Variants in SYT16 observed in about 807,000 individuals in gnomAD.
SYT16 encodes synaptotagmin 16, also known as synaptotagmin-16.
SYT16 carries 42 observed loss-of-function variants against 61.4 expected under a neutral mutation model. The ratio of observed to expected loss-of-function variants is 0.68; its 90% CI spans 0.53 to 0.89. The LOEUF is 0.89. Among genes scored for constraint, SYT16 ranks in the 40% least tolerant of loss-of-function variants. SYT16 has a pLI of 0.00. For synonymous variants in SYT16, 314 were observed against 302.3 expected (o/e 1.04, Z -0.40); for missense variants, 804 against 807.3 (o/e 1.00, Z 0.05).
intron 1 of SYT16, among the ~76,000 whole-genome samples, chr14:61,865,599 A>C (rs2047123605): frequency 6.6e-6 from 1 of 152,228 alleles, no homozygotes; most frequent in South Asian, 2.1e-4. Flanking sequence ...TAATACCGCA[A>C]AGATATATTT....
intron 3 of SYT16, among the ~76,000 whole-genome samples, chr14:62,060,317 C>T (rs1044489328): frequency 1.3e-5 from 2 of 151,906 alleles, no homozygotes; most frequent in Admixed American, 1.3e-4. Flanking sequence ...CATTTTGATG[C>T]TCTTTCTAAA....
At chr14:62,002,550 G>C (rs999659768) in intron 3 of SYT16, among the ~76,000 whole-genome samples, 2 of 152,164 alleles carry the variant, frequency 1.3e-5, no homozygotes, top group Admixed American at 1.3e-4. Context: ...GAGTGCTCTC[G>C]GTCTTAGGCA....
chr14:61,814,792 A>G (rs1422033390), intron 1 of SYT16, among the ~76,000 whole-genome samples: 1 of 152,194 alleles, frequency 6.6e-6, no homozygotes, highest in African/African-American at 2.4e-5. Context: ...GAGGCTTACT[A>G]TGTGTCCCTA....
At chr14:61,939,570 G>A (rs962550498) in intron 1 of SYT16, among the ~76,000 whole-genome samples, 9 of 152,250 alleles carry the variant, frequency 5.9e-5, no homozygotes, top group Non-Finnish European at 1.0e-4. Flanking sequence ...TTTCCTTCAC[G>A]TGTGTACATG....
intron 1 of SYT16, among the ~76,000 whole-genome samples, chr14:61,913,684 GATC>G (rs1185089591): frequency 1.4e-5 from 2 of 143,834 alleles, no homozygotes; most frequent in Non-Finnish European, 3.0e-5. Flanking sequence ...AAGAAAATAA[GATC>G]ATCCTTCTTT....
At chr14:61,975,848 C>G (rs900772483) in intron 2 of SYT16, among the ~76,000 whole-genome samples, 4 of 152,150 alleles carry the variant, frequency 2.6e-5, no homozygotes, top group African/African-American at 9.7e-5. Context: ...GCATTTCAAA[C>G]CAATAATGCC....
intron 3 of SYT16, among the ~76,000 whole-genome samples, chr14:62,012,692 G>T (rs1407439699): frequency 1.3e-5 from 2 of 152,138 alleles, no homozygotes; most frequent in South Asian, 4.1e-4. Context: ...ATGCCTTCAT[G>T]TGAGTTATTT....
Position 61,857,355 on chromosome 14 carries a change from G to A in SYT16, c.-325+44545G>A, listed in dbSNP as rs372986940. Among the ~76,000 whole-genome samples the A allele has an allele frequency of 8.3e-4, 127 of 152,342 alleles. 4 individuals carry two copies. The South Asian group carries it at 0.025, about 30-fold the overall frequency. ...GCAGAGAGAGATGAGGTGGGTGCTT[G>A]TTAAGGAATGCTGTTAATGAGCACG... On this transcript the variant is annotated intron_variant, in intron 1 of 7. Coordinates refer to ENST00000683842, the MANE Select transcript of SYT16 (RefSeq NM_001367656.1).
intron 1 of SYT16, among the ~76,000 whole-genome samples, chr14:61,816,558 A>G (rs963221919): frequency 6.6e-6 from 1 of 152,218 alleles, no homozygotes; most frequent in African/African-American, 2.4e-5. Context: ...CATCATAGCA[A>G]TAATTAATTC....
At position 61,935,547 on chromosome 14, in the gene SYT16, C is replaced by G. The variant is rs145922798; in HGVS notation, c.-324-34585C>G. ...TGGTCATTCTCTAAGCCTGTGTGTC[C>G]TGATCTATACCAGTGAGGGTAAGAA... On this transcript the variant is annotated intron_variant, in intron 1 of 7. Transcript: ENST00000683842. 1.7e-3 allele frequency among the ~76,000 whole-genome samples: 253 copies of G among 152,252 alleles called. 1 individual carries two copies. Among genetic ancestry groups the G allele is most frequent in the Non-Finnish European group, 2.6e-3 (177 of 68,020 alleles).
At chr14:61,863,667 G>A (rs972033270) in intron 1 of SYT16, among the ~76,000 whole-genome samples, 6 of 152,102 alleles carry the variant, frequency 3.9e-5, no homozygotes, top group African/African-American at 7.2e-5. Context: ...CTTTGCTGCC[G>A]CATGTAAAAA....
chr14:61,930,070 G>A (rs2049703148), intron 1 of SYT16, among the ~76,000 whole-genome samples: 1 of 152,136 alleles, frequency 6.6e-6, no homozygotes. Flanking sequence ...GACCCATGTG[G>A]TGCTCACATC....
At chr14:62,010,357 A>G (rs1447265371) in intron 3 of SYT16, among the ~76,000 whole-genome samples, 4 of 152,208 alleles carry the variant, frequency 2.6e-5, no homozygotes, top group African/African-American at 4.8e-5. Flanking sequence ...GGGTGGTCCT[A>G]TATTTTATAG....
At chr14:62,047,182 T>G (rs2055031562) in intron 3 of SYT16, among the ~76,000 whole-genome samples, 1 of 152,186 alleles carries the variant, frequency 6.6e-6, no homozygotes, top group African/African-American at 2.4e-5. Flanking sequence ...CTTGAAGAGG[T>G]CCTTCACATC....
rs1013082379 is a variant in SYT16 at position 62,107,928 on chromosome 14, A to G, written c.*7221A>G. Reference sequence around the variant, plus strand: ...ATCCTGGAATGCTAGGTCTGTACAAACTTGACACATTTCTTACAAGCTCTG... The same window carrying G: ...ATCCTGGAATGCTAGGTCTGTACAAGCTTGACACATTTCTTACAAGCTCTG... On this transcript the variant is annotated 3_prime_UTR_variant, in exon 8 of 8. Coordinates refer to ENST00000683842, the MANE Select transcript of SYT16 (RefSeq NM_001367656.1). 42 of 152,184 alleles carry G rather than the reference A, an allele frequency of 2.8e-4. No individual in the cohort carries two copies. The highest frequency in any genetic ancestry group is 9.9e-4 in the African/African-American group (41 of 41,436). 9.4% of individuals were successfully genotyped at this position (152,184 alleles called of 1,614,324 possible). A position where few individuals can be genotyped will look rare whatever the true frequency, so the allele number is the denominator to read the frequency against.
chr14:62,090,536 G>A (rs2057037271), intron 7 of SYT16, among the ~76,000 whole-genome samples: 1 of 152,144 alleles, frequency 6.6e-6, no homozygotes, highest in Admixed American at 6.6e-5. Context: ...TCCTGGTCCA[G>A]TTTTTGTTAA....
chr14:62,018,925 C>T (rs1326870235), intron 3 of SYT16, among the ~76,000 whole-genome samples: 1 of 152,208 alleles, frequency 6.6e-6, no homozygotes, highest in African/African-American at 2.4e-5. Context: ...GGTGTTGCCC[C>T]TGCATCTGCG....
intron 1 of SYT16, among the ~76,000 whole-genome samples, chr14:61,952,972 A>G (rs967730120): frequency 6.6e-6 from 1 of 152,202 alleles, no homozygotes; most frequent in South Asian, 2.1e-4. Flanking sequence ...GAATATTATT[A>G]CGCTTATAAT....
At position 61,923,144 on chromosome 14, in the gene SYT16, T is replaced by C. The variant is rs370709667; in HGVS notation, c.-324-46988T>C. Among the ~76,000 whole-genome samples the C allele has an allele frequency of 3.6e-4, 55 of 152,210 alleles. 1 individual carries two copies. Among genetic ancestry groups the C allele is most frequent in the African/African-American group, 1.2e-3 (51 of 41,520 alleles). On this transcript the variant is annotated intron_variant, in intron 1 of 7. Coordinates refer to ENST00000683842, the MANE Select transcript of SYT16 (RefSeq NM_001367656.1). The stretch of plus-strand genomic sequence containing the variant: ...AAGAGAATGGCTCTTATAAATATTA[T>C]GTAGAAAATTATTAGGGCAACAAAA...
Sources: allele counts gnomAD v4.1 joint callset (sites outside exome capture counted in the v4.1 genomes callset), GRCh38; gene constraint gnomAD v4.1.1; transcripts MANE v1.5; gene names NCBI Gene and HGNC (gene_info 2026-07-23, HGNC 2026-07-21).